Variants in PTK7 observed in about 807,000 individuals in gnomAD.
The protein encoded by PTK7 is inactive tyrosine-protein kinase 7.
A neutral mutation model predicts 116.6 loss-of-function variants in PTK7; 39 were observed. The observed-to-expected ratio is 0.33, with a 90% CI of 0.26 to 0.44. The LOEUF (loss-of-function observed/expected upper bound fraction) is 0.44, where lower values mean the gene tolerates loss of function less well. Ranked by LOEUF, PTK7 falls within the 20% of genes least tolerant of loss-of-function variation. The probability of loss-of-function intolerance (pLI) is 1.00; values close to 1 mark genes in which losing one functional copy is unlikely to be tolerated. For missense variants in PTK7, 1,169 were observed against 1,425.6 expected (o/e 0.82, Z 2.90); for synonymous variants, 546 against 563.6 (o/e 0.97, Z 0.44).
At position 43,143,757 on chromosome 6, in the gene PTK7, C is replaced by A; in HGVS notation, c.2251+137C>A. The A allele has an allele frequency of 1.1e-6, 1 of 952,374 alleles. No individual in the cohort carries two copies. Among genetic ancestry groups the A allele is most frequent in the Non-Finnish European group, 1.5e-6 (1 of 658,968 alleles). 59.0% of individuals were successfully genotyped at this position (952,374 alleles called of 1,614,324 possible). On this transcript the variant is annotated intron_variant, in intron 14 of 19. Transcript: ENST00000230419. The surrounding 1 kb of genome is among the most constrained non-coding windows in gnomAD (Gnocchi z 4.2). ...TCCTGGAGCTGGGACTGCCCCACCC[C>A]TAGCGGGAAGCCTGGAGTTGGATTC... is the stretch of plus-strand genomic sequence containing the variant.
chr6:43,106,493 C>A (rs921153545), intron 1 of PTK7, among the ~76,000 whole-genome samples: 1 of 151,694 alleles, frequency 6.6e-6, no homozygotes, highest in Non-Finnish European at 1.5e-5. Context: ...TACTGTGTTG[C>A]CCAGGCTGGT....
chr6:43,152,729 TTTTA>T (rs1771192171), intron 17 of PTK7, among the ~76,000 whole-genome samples: 1 of 139,854 alleles, frequency 7.2e-6, no homozygotes, highest in Non-Finnish European at 1.6e-5. Flanking sequence ...CTGAATTTTA[TTTTA>T]TTTATGTTAT....
intron 1 of PTK7, among the ~76,000 whole-genome samples, chr6:43,082,856 G>T (rs1251489435): frequency 6.6e-6 from 1 of 152,204 alleles, no homozygotes; most frequent in African/African-American, 2.4e-5. Context: ...GAAAGCCAGT[G>T]GAGAAACTGG....
chr6:43,101,215 C>CAA (rs1349082218), intron 1 of PTK7, among the ~76,000 whole-genome samples: 2 of 80,078 alleles, frequency 2.5e-5, no homozygotes, highest in East Asian at 4.2e-4. Flanking sequence ...AGCTCTGTCT[C>CAA]AAAAAAAAAA....
chr6:43,112,315 C>T (rs1768238416), intron 1 of PTK7, among the ~76,000 whole-genome samples: 1 of 151,804 alleles, frequency 6.6e-6, no homozygotes. Flanking sequence ...GTCACCCAGG[C>T]TGGGGTGCAG....
intron 1 of PTK7, among the ~76,000 whole-genome samples, chr6:43,100,764 A>G (rs916453231): frequency 1.8e-4 from 27 of 152,216 alleles, no homozygotes; most frequent in African/African-American, 6.0e-4. Context: ...TTACCAGAGA[A>G]CTACCAAAAA....
intron 7 of PTK7, chr6:43,132,920 G>A (rs1219241602): frequency 3.2e-6 from 2 of 620,202 alleles, no homozygotes; most frequent in Non-Finnish European, 5.7e-6. Context: ...ATGGTCCTCT[G>A]GGTACAGAGG....
chr6:43,154,274 T>C (rs964085273), intron 17 of PTK7, among the ~76,000 whole-genome samples: 2 of 151,952 alleles, frequency 1.3e-5, no homozygotes, highest in Admixed American at 1.3e-4. Flanking sequence ...AGGTTGAAGA[T>C]ACAGTGAACT....
At position 43,143,763 on chromosome 6, in the gene PTK7, G is replaced by A. The variant is rs1037801497; in HGVS notation, c.2251+143G>A. ...AGCTGGGACTGCCCCACCCCTAGCG[G>A]GAAGCCTGGAGTTGGATTCCCAGGG... On this transcript the variant is annotated intron_variant, in intron 14 of 19. Coordinates refer to ENST00000230419, the MANE Select transcript of PTK7 (RefSeq NM_002821.5). This position sits in a 1 kb window ranked among gnomAD's most constrained non-coding sequence, Gnocchi z 4.2. 6 of 911,474 alleles carry A rather than the reference G, an allele frequency of 6.6e-6. No homozygotes were observed. In the African/African-American group the frequency reaches 8.4e-5, roughly 13 times the overall value. 56.5% of individuals were successfully genotyped at this position (911,474 alleles called of 1,614,324 possible). A position where few individuals can be genotyped will look rare whatever the true frequency, so the allele number is the denominator to read the frequency against.
Position 43,160,775 on chromosome 6 carries a change from T to A in PTK7, c.3107T>A (p.Leu1036His). Residue 1036 changes from leucine (L) to histidine (H), a missense_variant, in exon 20 of 20, where the codon CTC becomes CAC. Physicochemically the swap from Leu to His is moderately conservative, Grantham distance 99. This residue lies in a region of PTK7 where 678 missense variants were observed against 853.8 expected (regional missense o/e 0.79). Coordinates refer to ENST00000230419, the MANE Select transcript of PTK7 (RefSeq NM_002821.5). ...LPQPEGCPSKLYRLMQRCWAL... is the reference protein window; with the variant it reads ...LPQPEGCPSKHYRLMQRCWAL... ...CAGCCCGAGGGCTGCCCTTCCAAAC[T>A]CTATCGGCTGATGCAGCGCTGCTGG... 1 of 1,614,132 alleles carries A rather than the reference T, an allele frequency of 6.2e-7. No individual in the cohort carries two copies. Among genetic ancestry groups the A allele is most frequent in the Non-Finnish European group, 8.5e-7 (1 of 1,179,994 alleles).
intron 1 of PTK7, among the ~76,000 whole-genome samples, chr6:43,099,306 C>G (rs140147428): frequency 6.6e-6 from 1 of 150,728 alleles, no homozygotes; most frequent in Non-Finnish European, 1.5e-5. Flanking sequence ...AATCATGGCT[C>G]ATTGCAGCCT....
intron 7 of PTK7, among the ~76,000 whole-genome samples, chr6:43,137,993 G>C (rs1288055410): frequency 1.3e-5 from 2 of 151,964 alleles, no homozygotes; most frequent in Admixed American, 1.3e-4. Context: ...ATTTTTAGTA[G>C]AGACGGGGTT....
At chr6:43,099,248 T>G in intron 1 of PTK7, among the ~76,000 whole-genome samples, 1 of 151,366 alleles carries the variant, frequency 6.6e-6, no homozygotes, top group East Asian at 1.9e-4. Context: ...TTTTTTTTTT[T>G]TTGAGATAGG....
chr6:43,125,195 A>G (rs1445361779), intron 1 of PTK7, among the ~76,000 whole-genome samples: 1 of 152,226 alleles, frequency 6.6e-6, no homozygotes, highest in East Asian at 1.9e-4. Context: ...AAAAGAAAAA[A>G]GAAACATCTA....
At chr6:43,144,636 C>A in intron 15 of PTK7, 30 bp downstream of exon 15, 1 of 1,586,596 alleles carries the variant, frequency 6.3e-7, no homozygotes, top group Non-Finnish European at 8.6e-7. Flanking sequence ...GCTGCCCCTG[C>A]CTAACTACAA....
At chr6:43,159,682 A>G (rs1255896326) in intron 18 of PTK7, 106 bp from the exon 19 acceptor site, 1 of 1,181,310 alleles carries the variant, frequency 8.5e-7, no homozygotes, top group African/African-American at 1.5e-5. Context: ...GTATGTAGAA[A>G]GGCTGGGCCC....
intron 17 of PTK7, among the ~76,000 whole-genome samples, chr6:43,156,074 C>T (rs1034197237): frequency 2.6e-5 from 4 of 151,192 alleles, no homozygotes; most frequent in African/African-American, 9.7e-5. Flanking sequence ...ACTAAAAATA[C>T]AAAAATTAGC....
At chr6:43,083,774 C>G (rs1304403926) in intron 1 of PTK7, among the ~76,000 whole-genome samples, 1 of 152,222 alleles carries the variant, frequency 6.6e-6, no homozygotes, top group Non-Finnish European at 1.5e-5. Context: ...AGGTGTCCTG[C>G]AGATCCCAAG....
At chr6:43,160,136 G>A in intron 19 of PTK7, 170 bp downstream of exon 19, 1 of 754,510 alleles carries the variant, frequency 1.3e-6, no homozygotes, top group Non-Finnish European at 2.1e-6. Context: ...TTTCTTTTGA[G>A]ACGGAGTGTC....
Sources: allele counts gnomAD v4.1 joint callset (sites outside exome capture counted in the v4.1 genomes callset), GRCh38; gene constraint gnomAD v4.1.1; regional missense constraint gnomAD v4.1.1; non-coding constraint Gnocchi (gnomAD v3.1); transcripts MANE v1.5; gene names NCBI Gene and HGNC (gene_info 2026-07-23, HGNC 2026-07-21).